Variants in PTGES3L observed in about 807,000 individuals in gnomAD.
The protein encoded by PTGES3L is putative protein PTGES3L.
PTGES3L carries 17 observed loss-of-function variants against 25.0 expected under a neutral mutation model. The ratio of observed to expected loss-of-function variants is 0.68; its 90% CI spans 0.47 to 1.02. PTGES3L has a LOEUF of 1.02. Ranked by LOEUF, PTGES3L falls within the 50% of genes least tolerant of loss-of-function variation. The probability of loss-of-function intolerance (pLI) is 0.00; values close to 1 mark genes in which losing one functional copy is unlikely to be tolerated. For synonymous variants in PTGES3L, 59 were observed against 65.7 expected (o/e 0.90, Z 0.50); for missense variants, 202 against 197.5 (o/e 1.02, Z -0.14).
chr17:42,970,390 A>G (rs1286668746), intron 5 of PTGES3L, 48 bp from the exon 6 acceptor site: 4 of 1,606,898 alleles, frequency 2.5e-6, no homozygotes, highest in Non-Finnish European at 3.4e-6. Flanking sequence ...GTGAAGGAAG[A>G]ACAATCTGCA....
chr17:42,969,183 C>A lies in PTGES3L; in HGVS notation c.436G>T (p.Asp146Tyr). 7.2e-7 allele frequency: 1 copy of A among 1,380,550 alleles called. No homozygotes were observed. Among genetic ancestry groups the A allele is most frequent in the Middle Eastern group, 1.8e-4 (1 of 5,648 alleles). 85.5% of individuals were successfully genotyped at this position (1,380,550 alleles called of 1,614,324 possible). Residue 146 changes from aspartate (D) to tyrosine (Y), a missense_variant, in exon 7 of 7, where the codon GAT becomes TAT. Transcript: ENST00000591916. ...PPPAMDDLDD[D>Y]SDSADDATSN ...GTTGCATCATCAGCACTGTCAGAAT[C>A]ATCCTGGGGGCGGGGGGGAAAAAAG...
intron 1 of PTGES3L, 126 bp from the exon 2 acceptor site, chr17:42,979,789 G>A (rs1215490135): frequency 7.0e-7 from 1 of 1,433,384 alleles, no homozygotes; most frequent in African/African-American, 1.4e-5. Flanking sequence ...TGAGACAGAA[G>A]GGGTGAAAGG....
Position 42,969,199 on chromosome 17 carries a change from G to C in PTGES3L, c.433-13C>G, listed in dbSNP as rs1207695288. 2.9e-6 allele frequency: 4 copies of C among 1,390,070 alleles called. No individual in the cohort carries two copies. Among genetic ancestry groups the C allele is most frequent in the African/African-American group, 1.7e-5 (1 of 58,204 alleles). 86.1% of individuals were successfully genotyped at this position (1,390,070 alleles called of 1,614,324 possible). On this transcript the variant is annotated splice_polypyrimidine_tract_variant and intron_variant, in intron 6 of 6. Transcript: ENST00000591916. ...TGTCAGAATCATCCTGGGGGCGGGG[G>C]GGAAAAAAGACAAAGCACCTGTAGA...
intron 4 of PTGES3L, among the ~76,000 whole-genome samples, chr17:42,974,110 C>T (rs1202959201): frequency 6.6e-6 from 1 of 152,028 alleles, no homozygotes; most frequent in Non-Finnish European, 1.5e-5. Flanking sequence ...CCTGTAATCC[C>T]AGCACTCTGC....
rs1376984264 is a variant in PTGES3L at position 42,978,861 on chromosome 17, G to T, written c.288+309C>A. 2.6e-5 allele frequency among the ~76,000 whole-genome samples: 4 copies of T among 152,072 alleles called. No individual in the cohort carries two copies. The South Asian group carries it at 8.3e-4, about 31-fold the overall frequency. On this transcript the variant is annotated intron_variant, in intron 4 of 6. Coordinates refer to ENST00000591916, the MANE Select transcript of PTGES3L (RefSeq NM_001261430.2). ...ACTAAAAATACAAAATTAGCTGGGC[G>T]TGGTGGTGCATGCCTGTAATCCCAG...
chr17:42,969,258 A>C, intron 6 of PTGES3L, 72 bp from the exon 7 acceptor site: 1 of 934,762 alleles, frequency 1.1e-6, no homozygotes, highest in South Asian at 1.7e-5. Flanking sequence ...GTTAACAAAT[A>C]CTGCTTCCTC....
rs775431170 is a variant in PTGES3L at position 42,979,215 on chromosome 17, C to A, written c.243G>T (p.Trp81Cys). 1 of 1,614,130 alleles carries A rather than the reference C, an allele frequency of 6.2e-7. No individual in the cohort carries two copies. Among genetic ancestry groups the A allele is most frequent in the Admixed American group, 1.7e-5 (1 of 59,988 alleles). The change falls in exon 4 of 7, where the codon TGG (tryptophan) becomes TGT (cysteine). Residue 81 changes from tryptophan to cysteine, a missense_variant. Coordinates refer to ENST00000591916, the MANE Select transcript of PTGES3L (RefSeq NM_001261430.2). Reference protein sequence around the residue: ...SRSITCFVRKWKEKVAWPRLT... With the variant: ...SRSITCFVRKCKEKVAWPRLT... Reference sequence around the variant, plus strand: ...GCCGCGGCCAGGCCACCTTTTCCTTCCATTTTCTCACAAAACAAGTAATAG... The same window carrying A: ...GCCGCGGCCAGGCCACCTTTTCCTTACATTTTCTCACAAAACAAGTAATAG...
Position 42,979,195 on chromosome 17 carries a change from G to A in PTGES3L, c.263C>T (p.Pro88Leu), listed in dbSNP as rs144875501. Residue 88 changes from proline to leucine, a missense_variant, in exon 4 of 7, where the codon CCG becomes CTG. Pro to Leu is a moderately conservative substitution (Grantham distance 98). Transcript: ENST00000591916. ...VRKWKEKVAWPRLTKEDIKPV... is the reference protein window; with the variant it reads ...VRKWKEKVAWLRLTKEDIKPV... ...CTTGATATCCTCCTTGGTAAGCCGC[G>A]GCCAGGCCACCTTTTCCTTCCATTT... is the stretch of plus-strand genomic sequence containing the variant. The A allele has an allele frequency of 2.3e-5, 37 of 1,614,058 alleles. No homozygotes were observed. The African/African-American group carries it at 3.3e-4, about 15-fold the overall frequency.
intron 1 of PTGES3L, 119 bp downstream of exon 1, chr17:42,979,927 G>A (rs1020740111): frequency 6.9e-7 from 1 of 1,450,678 alleles, no homozygotes; most frequent in Non-Finnish European, 9.0e-7. Flanking sequence ...CACAGTTACA[G>A]AGACCAGGGG....
chr17:42,970,375 A>C lies in PTGES3L; in HGVS notation c.379-33T>G, dbSNP rs200705078. On this transcript the variant is annotated intron_variant, in intron 5 of 6. Coordinates refer to ENST00000591916, the MANE Select transcript of PTGES3L (RefSeq NM_001261430.2). ...GAAGAAAAAATAATCACAAGGGAGA[A>C]GGGAGTGAAGGAAGAACAATCTGCA... 3.1e-6 allele frequency: 5 copies of C among 1,612,768 alleles called. No individual in the cohort carries two copies. In the East Asian group the frequency reaches 1.1e-4, roughly 36 times the overall value.
At chr17:42,970,149 A>T in intron 6 of PTGES3L, 140 bp downstream of exon 6, 1 of 980,092 alleles carries the variant, frequency 1.0e-6, no homozygotes, top group Non-Finnish European at 1.5e-6. Context: ...AAAGAATATT[A>T]GCCCTCTTGG....
intron 4 of PTGES3L, among the ~76,000 whole-genome samples, chr17:42,974,361 G>GA (rs552661431): frequency 3.2e-3 from 325 of 101,100 alleles, no homozygotes; most frequent in Middle Eastern, 5.8e-3. Flanking sequence ...ACTCTGTCTC[G>GA]AAAAAAAAAA....
intron 4 of PTGES3L, among the ~76,000 whole-genome samples, chr17:42,973,074 C>A (rs1356944760): frequency 1.5e-5 from 2 of 135,346 alleles, no homozygotes; most frequent in African/African-American, 5.6e-5. Context: ...AGTGAGGAGA[C>A]CCTCTGCCTG....
chr17:42,971,670 A>G lies in PTGES3L; in HGVS notation c.315T>C (p.Asp105=). The change falls in exon 5 of 7, where the codon GAT becomes GAC. Residue 105 remains aspartate (D), a synonymous_variant. Transcript: ENST00000591916. ...IKPVWLSVDF[D]NWRDWEGDEE... is the part of the protein sequence containing the mutation. ...CATCCCCTTCCCAGTCTCTCCAGTTATCAAAGTCCACAGACAGCCACACTG... is the reference window on the plus strand; with the variant it reads ...CATCCCCTTCCCAGTCTCTCCAGTTGTCAAAGTCCACAGACAGCCACACTG... The G allele has an allele frequency of 6.2e-7, 1 of 1,614,072 alleles. No individual in the cohort carries two copies.
chr17:42,972,274 C>CATAAAGCA (rs1191381907), intron 4 of PTGES3L: 1 of 153,734 alleles, frequency 6.5e-6, no homozygotes, highest in Non-Finnish European at 1.4e-5. Flanking sequence ...ATAATTGTAT[C>CATAAAGCA]ATAAAGCAAC....
intron 4 of PTGES3L, among the ~76,000 whole-genome samples, chr17:42,972,698 T>C (rs2049867942): frequency 6.6e-6 from 1 of 152,098 alleles, no homozygotes; most frequent in African/African-American, 2.4e-5. Context: ...GCCGCCTGCC[T>C]TGGCCTCCCA....
Position 42,979,150 on chromosome 17 carries a change from G to A in PTGES3L, c.288+20C>T, listed in dbSNP as rs1439920539. The A allele has an allele frequency of 2.5e-6, 4 of 1,613,876 alleles. No homozygotes were observed. In the Admixed American group the frequency reaches 5.0e-5, roughly 20 times the overall value. On this transcript the variant is annotated intron_variant, in intron 4 of 6. Transcript: ENST00000591916. ...CTGGGTACATGGAGAGAAGAAGCAG[G>A]CCACTTTCCACACACCCACCTTGAT... is the stretch of plus-strand genomic sequence containing the variant.
In PTGES3L at chr17:42,969,150, A is replaced by C; in HGVS notation, c.469T>G (p.Ter157GluextTer21). The change falls in exon 7 of 7, where the codon TAA becomes GAA. Residue 157 changes from the stop codon to glutamate, a stop_lost. Transcript: ENST00000591916. Reference sequence around the variant, plus strand: ...TCCCAGCTTTGCGTCACAGAAAGTTAATTACTTGTTGCATCATCAGCACTG... The same window carrying C: ...TCCCAGCTTTGCGTCACAGAAAGTTCATTACTTGTTGCATCATCAGCACTG... ...SDSADDATSN[*>E] 3 of 1,542,268 alleles carry C rather than the reference A, an allele frequency of 1.9e-6. No homozygotes were observed. Among genetic ancestry groups the C allele is most frequent in the Non-Finnish European group, 2.6e-6 (3 of 1,141,388 alleles).
chr17:42,973,191 G>C (rs1272236416), intron 4 of PTGES3L, among the ~76,000 whole-genome samples: 4 of 70,226 alleles, frequency 5.7e-5, no homozygotes, highest in Non-Finnish European at 1.2e-4. Context: ...GGAGGGAGGT[G>C]GGGGGGGGTC....
Sources: allele counts gnomAD v4.1 joint callset (sites outside exome capture counted in the v4.1 genomes callset), GRCh38; gene constraint gnomAD v4.1.1; transcripts MANE v1.5; gene names NCBI Gene and HGNC (gene_info 2026-07-23, HGNC 2026-07-21).